Variants in CDKAL1 observed in about 807,000 individuals in gnomAD.
CDKAL1 encodes the protein CDKAL1 threonylcarbamoyladenosine tRNA methylthiotransferase, also known as threonylcarbamoyladenosine tRNA methylthiotransferase.
In CDKAL1, 32 loss-of-function variants were observed where a neutral mutation model predicts 68.2. The ratio of observed to expected loss-of-function variants is 0.47; its 90% CI spans 0.35 to 0.63. The LOEUF (loss-of-function observed/expected upper bound fraction) is 0.63. CDKAL1 is among the 30% of genes least tolerant of loss of function. CDKAL1 has a pLI of 0.00. For synonymous variants in CDKAL1, 234 were observed against 244.3 expected (o/e 0.96, Z 0.39); for missense variants, 606 against 696.7 (o/e 0.87, Z 1.47).
intron 12 of CDKAL1, among the ~76,000 whole-genome samples, chr6:21,096,832 T>C (rs1773343205): frequency 2.0e-5 from 3 of 152,346 alleles, no homozygotes; most frequent in Middle Eastern, 6.8e-3. Flanking sequence ...TGCCCCACAC[T>C]ATCTGCTAGG....
chr6:20,724,933 A>T (rs973071570), intron 5 of CDKAL1, among the ~76,000 whole-genome samples: 2 of 152,056 alleles, frequency 1.3e-5, no homozygotes, highest in African/African-American at 4.8e-5. Flanking sequence ...TTCCTTCCCT[A>T]CCCCAGAATG....
chr6:20,825,251 C>T (rs1777455331), intron 8 of CDKAL1, among the ~76,000 whole-genome samples: 1 of 151,978 alleles, frequency 6.6e-6, no homozygotes, highest in African/African-American at 2.4e-5. Flanking sequence ...TTTATATTCC[C>T]CATATATATT....
chr6:21,168,352 T>C (rs1044996055), intron 13 of CDKAL1, among the ~76,000 whole-genome samples: 1 of 152,180 alleles, frequency 6.6e-6, no homozygotes, highest in Non-Finnish European at 1.5e-5. Context: ...GATGGGATCA[T>C]TTTCAGGTTC....
chr6:21,101,609 T>A (rs187322410), intron 12 of CDKAL1, among the ~76,000 whole-genome samples: 3 of 152,326 alleles, frequency 2.0e-5, no homozygotes, highest in Admixed American at 6.5e-5. Flanking sequence ...TACACCAATA[T>A]GCTCATGAGT....
intron 7 of CDKAL1, among the ~76,000 whole-genome samples, chr6:20,774,297 A>G (rs1015543586): frequency 2.0e-5 from 3 of 152,256 alleles, no homozygotes; most frequent in Non-Finnish European, 4.4e-5. Context: ...TCGTATGTGC[A>G]ACCCACTTTA....
At chr6:20,714,757 A>G (rs912752795) in intron 5 of CDKAL1, among the ~76,000 whole-genome samples, 1 of 151,902 alleles carries the variant, frequency 6.6e-6, no homozygotes, top group Non-Finnish European at 1.5e-5. Flanking sequence ...TTTTAACTTA[A>G]CTAATATTTT....
At chr6:20,642,165 A>G (rs1768208611) in intron 4 of CDKAL1, among the ~76,000 whole-genome samples, 2 of 152,214 alleles carry the variant, frequency 1.3e-5, no homozygotes, top group South Asian at 4.1e-4. Context: ...TATGTGTATT[A>G]GAAGAAAACA....
At chr6:21,015,712 A>G (rs1768286757) in intron 11 of CDKAL1, among the ~76,000 whole-genome samples, 1 of 152,052 alleles carries the variant, frequency 6.6e-6, no homozygotes, top group African/African-American at 2.4e-5. Context: ...GGATCACTTG[A>G]GGTCAGGAGT....
intron 5 of CDKAL1, among the ~76,000 whole-genome samples, chr6:20,672,280 T>TTCTCTCTC (rs1362727062): frequency 1.6e-5 from 2 of 125,010 alleles, no homozygotes; most frequent in African/African-American, 6.8e-5. Context: ...TTTTCTTTCT[T>TTCTCTCTC]TCTCTCTCTC....
intron 10 of CDKAL1, among the ~76,000 whole-genome samples, chr6:20,984,335 C>A (rs80334173): frequency 0.06 from 9,141 of 152,088 alleles, 390 homozygotes; most frequent in East Asian, 0.19. Context: ...TGCAGGTGAG[C>A]GGGTGCAGGA....
chr6:20,935,674 C>T (rs1308406446), intron 9 of CDKAL1, among the ~76,000 whole-genome samples: 1 of 152,152 alleles, frequency 6.6e-6, no homozygotes, highest in African/African-American at 2.4e-5. Context: ...AAGTGATCCA[C>T]CTGCCTCGGC....
intron 5 of CDKAL1, among the ~76,000 whole-genome samples, chr6:20,723,403 C>G (rs1772482220): frequency 6.6e-6 from 1 of 152,270 alleles, no homozygotes; most frequent in South Asian, 2.1e-4. Flanking sequence ...GGCTGTGGGC[C>G]CTGCGCGGAG....
chr6:20,620,247 CCAAA>C (rs1379536877), intron 4 of CDKAL1, among the ~76,000 whole-genome samples: 1 of 152,042 alleles, frequency 6.6e-6, no homozygotes. Flanking sequence ...ATAGTCATAA[CCAAA>C]CAATGTATAT....
chr6:20,902,134 G>T (rs1245697367), intron 9 of CDKAL1, among the ~76,000 whole-genome samples: 1 of 152,124 alleles, frequency 6.6e-6, no homozygotes, highest in African/African-American at 2.4e-5. Flanking sequence ...GACCAAGTTG[G>T]AAATGTTGAA....
At chr6:20,607,542 G>A (rs895526502) in intron 4 of CDKAL1, among the ~76,000 whole-genome samples, 4 of 151,922 alleles carry the variant, frequency 2.6e-5, no homozygotes, top group African/African-American at 9.7e-5. Context: ...AGGAGAGGGA[G>A]TGGTGGCTAC....
intron 15 of CDKAL1, among the ~76,000 whole-genome samples, chr6:21,207,957 ATAC>A: frequency 6.6e-6 from 1 of 152,260 alleles, no homozygotes; most frequent in African/African-American, 2.4e-5. Flanking sequence ...GATTCCAATA[ATAC>A]TACTACAGCG....
intron 11 of CDKAL1, among the ~76,000 whole-genome samples, chr6:21,037,985 T>C (rs771777019): frequency 1.1e-4 from 17 of 152,250 alleles, no homozygotes; most frequent in Non-Finnish European, 2.2e-4. Context: ...GCCTACTTTG[T>C]GTCAGGCACC....
intron 13 of CDKAL1, among the ~76,000 whole-genome samples, chr6:21,151,347 A>C (rs935766164): frequency 6.6e-6 from 1 of 152,236 alleles, no homozygotes; most frequent in South Asian, 2.1e-4. Flanking sequence ...CAGTAGTAAC[A>C]GTTTTTGTGT....
intron 11 of CDKAL1, among the ~76,000 whole-genome samples, chr6:21,057,485 A>AT (rs529654445): frequency 2.8e-4 from 41 of 145,630 alleles, no homozygotes; most frequent in South Asian, 8.7e-4. Flanking sequence ...GGACTTGTTG[A>AT]TTTTTTTTAA....
Sources: allele counts gnomAD v4.1 joint callset (sites outside exome capture counted in the v4.1 genomes callset), GRCh38; gene constraint gnomAD v4.1.1; transcripts MANE v1.5; gene names NCBI Gene and HGNC (gene_info 2026-07-23, HGNC 2026-07-21).